The following CAPZA2 variants were observed in gnomAD, a reference collection of about 807,000 sequenced individuals.
CAPZA2 encodes the protein F-actin-capping protein subunit alpha-2.
A neutral mutation model predicts 44.0 loss-of-function variants in CAPZA2; 13 were observed. That is an observed-to-expected ratio of 0.30 (90% CI 0.19 to 0.47). The LOEUF (loss-of-function observed/expected upper bound fraction) is 0.47, where lower values mean the gene tolerates loss of function less well. Among genes scored for constraint, CAPZA2 ranks in the 20% least tolerant of loss-of-function variants. The pLI is 1.00. For synonymous variants in CAPZA2, 94 were observed against 108.2 expected, an observed-to-expected ratio of 0.87 and a Z score of 0.81; for missense variants, 244 against 338.6, an observed-to-expected ratio of 0.72 and a Z score of 2.19.
At chr7:116,868,800 C>A (rs1207190253) in intron 1 of CAPZA2, among the ~76,000 whole-genome samples, 1 of 152,144 alleles carries the variant, frequency 6.6e-6, no homozygotes, top group African/African-American at 2.4e-5. Flanking sequence ...TTAATGTGGA[C>A]AATATTCATT....
intron 1 of CAPZA2, among the ~76,000 whole-genome samples, chr7:116,879,152 A>T (rs1796658269): frequency 6.7e-6 from 1 of 149,708 alleles, no homozygotes; most frequent in Non-Finnish European, 1.5e-5. Flanking sequence ...AAAAAAAAGA[A>T]AAGAATACTG....
chr7:116,914,589 G>T (rs189239483), intron 8 of CAPZA2, among the ~76,000 whole-genome samples: 15 of 152,130 alleles, frequency 9.9e-5, no homozygotes, highest in East Asian at 7.8e-4. Flanking sequence ...AGCCTCTCTA[G>T]TAGCTGGGAC....
At chr7:116,914,820 G>A (rs953032151) in intron 8 of CAPZA2, among the ~76,000 whole-genome samples, 1 of 152,074 alleles carries the variant, frequency 6.6e-6, no homozygotes, top group Non-Finnish European at 1.5e-5. Flanking sequence ...TGACCTAATT[G>A]GTACTCTCCT....
intron 1 of CAPZA2, among the ~76,000 whole-genome samples, chr7:116,885,409 G>A (rs143353415): frequency 3.1e-4 from 47 of 152,026 alleles, no homozygotes; most frequent in Non-Finnish European, 6.0e-4. Flanking sequence ...GGGAGAGGTG[G>A]GAGTCCCCCA....
Position 116,904,288 on chromosome 7 carries a change from T to C in CAPZA2, c.331T>C (p.Cys111Arg). Residue 111 changes from cysteine (C) to arginine (R), a missense_variant, in exon 5 of 10, where the codon TGT (cysteine) becomes CGT (arginine). By Grantham distance (180) the Cys-to-Arg change is radical. Transcript: ENST00000361183. ...GAAGGAGGCAACTGATCCAAGACCC[T>C]GTGAAGTAGAAAATGCAGTTGAATC... Reference protein sequence around the residue: ...LRKEATDPRPCEVENAVESWR... With the variant: ...LRKEATDPRPREVENAVESWR... 2 of 1,613,120 alleles carry C rather than the reference T, an allele frequency of 1.2e-6. No individual in the cohort carries two copies. The highest frequency in any genetic ancestry group is 8.5e-7 in the Non-Finnish European group (1 of 1,179,136).
At chr7:116,863,218 T>C (rs1201024518) in intron 1 of CAPZA2, among the ~76,000 whole-genome samples, 3 of 152,218 alleles carry the variant, frequency 2.0e-5, no homozygotes, top group East Asian at 1.9e-4. Context: ...TCCTTTTTTT[T>C]CCCTTTCCCC....
chr7:116,917,219 A>G (rs1303339594), intron 9 of CAPZA2, among the ~76,000 whole-genome samples: 5 of 152,190 alleles, frequency 3.3e-5, no homozygotes, highest in Admixed American at 2.6e-4. Context: ...CAAAATTATT[A>G]TAGGCTTTTT....
At chr7:116,906,239 A>T (rs767318804) in intron 5 of CAPZA2, 24 bp from the exon 6 acceptor site, 2 of 1,603,872 alleles carry the variant, frequency 1.2e-6, no homozygotes, top group African/African-American at 2.7e-5. Context: ...ATTCATTCTT[A>T]TGCTTATTTT....
At chr7:116,887,124 G>A (rs180942025) in intron 1 of CAPZA2, among the ~76,000 whole-genome samples, 358 of 152,092 alleles carry the variant, frequency 2.4e-3, no homozygotes, top group Non-Finnish European at 4.2e-3. Context: ...AAATATGTAT[G>A]TCATTGTTCT....
rs1486520493 is a variant in CAPZA2, at chr7:116,921,948, A to AT, written c.*4081_*4082insT. The AT allele has an allele frequency of 6.6e-6, 1 of 152,178 alleles. No individual in the cohort carries two copies. The highest frequency in any genetic ancestry group is 1.5e-5 in the Non-Finnish European group (1 of 68,034). The allele number at this position is 152,178 out of a possible 1,614,324, so 9.4% of individuals were successfully genotyped here. On this transcript the variant is annotated 3_prime_UTR_variant, in exon 10 of 10. Transcript: ENST00000361183. The stretch of plus-strand genomic sequence containing the variant: ...ACACTTGGATATATGATTACATTTT[A>AT]ATAAGTTATATAAATATGCAGATAT...
intron 1 of CAPZA2, among the ~76,000 whole-genome samples, chr7:116,867,342 A>G (rs1276894497): frequency 6.6e-6 from 1 of 152,176 alleles, no homozygotes; most frequent in Non-Finnish European, 1.5e-5. Context: ...TTTCTAGACT[A>G]ATCCCTCCTG....
chr7:116,904,767 G>A (rs1395240515), intron 5 of CAPZA2: 1 of 159,128 alleles, frequency 6.3e-6, no homozygotes, highest in Non-Finnish European at 1.4e-5. Flanking sequence ...ATGTGTTTCT[G>A]TATTTTACAG....
chr7:116,888,310 A>C (rs1261450959), intron 2 of CAPZA2, 120 bp downstream of exon 2: 1 of 619,422 alleles, frequency 1.6e-6, no homozygotes, highest in Non-Finnish European at 2.8e-6. Flanking sequence ...TCTGAATTAC[A>C]ATGACAATAT....
chr7:116,875,129 T>C (rs1796605166), intron 1 of CAPZA2: 1 of 152,184 alleles, frequency 6.6e-6, no homozygotes, highest in Non-Finnish European at 1.5e-5. Context: ...TATCTGGTTT[T>C]GAAAGATGAA....
chr7:116,900,288 A>G (rs1189168232), intron 4 of CAPZA2, among the ~76,000 whole-genome samples: 1 of 151,886 alleles, frequency 6.6e-6, no homozygotes, highest in East Asian at 1.9e-4. Context: ...ATAAATGGAG[A>G]TGTAGCAAAT....
intron 4 of CAPZA2, among the ~76,000 whole-genome samples, chr7:116,902,624 C>A (rs1797011290): frequency 6.6e-6 from 1 of 152,068 alleles, no homozygotes; most frequent in African/African-American, 2.4e-5. Context: ...AATTATAATA[C>A]CTGATGTCCC....
At chr7:116,893,249 G>T (rs1203870130) in intron 3 of CAPZA2, among the ~76,000 whole-genome samples, 1 of 152,052 alleles carries the variant, frequency 6.6e-6, no homozygotes, top group African/African-American at 2.4e-5. Flanking sequence ...TTCTGCCTCA[G>T]CCTCCCGAGT....
chr7:116,897,177 T>G (rs948638334), intron 3 of CAPZA2, among the ~76,000 whole-genome samples: 1 of 152,158 alleles, frequency 6.6e-6, no homozygotes, highest in Non-Finnish European at 1.5e-5. Flanking sequence ...TAAACTTATT[T>G]AAATATGACC....
rs919178337 is a variant in CAPZA2, at chr7:116,879,948, GTTTA to G, written c.40-8172_40-8169del. 32 of 354,952 alleles carry G rather than the reference GTTTA, an allele frequency of 9.0e-5. No individual in the cohort carries two copies. In the Admixed American group the frequency reaches 9.9e-4, roughly 11 times the overall value. 22.0% of individuals were successfully genotyped at this position (354,952 alleles called of 1,614,324 possible). A position where few individuals can be genotyped will look rare whatever the true frequency, so the allele number is the denominator to read the frequency against. ...ATTCTGCCTTGAAGGGAGATTTAAT[GTTTA>G]TTTATTCAGCTAATATTTGAGGGTC... On this transcript the variant is annotated intron_variant, in intron 1 of 9. Coordinates refer to ENST00000361183, the MANE Select transcript of CAPZA2 (RefSeq NM_006136.3).
Sources: gnomAD v4.1 joint callset for allele counts (sites outside exome capture counted in the v4.1 genomes callset) on GRCh38, gnomAD v4.1.1 for gene constraint, MANE v1.5 for transcripts, NCBI Gene and HGNC (gene_info 2026-07-23, HGNC 2026-07-21) for gene names.